PIK3R6: variants seen among roughly 807,000 people sequenced by gnomAD.
PIK3R6 encodes the protein phosphoinositide-3-kinase regulatory subunit 6.
In PIK3R6, 91 loss-of-function variants were observed where a neutral mutation model predicts 84.9. The observed-to-expected ratio is 1.07, with a 90% CI of 0.90 to 1.28. PIK3R6 has a LOEUF of 1.28. Ranked by LOEUF, PIK3R6 falls within the 50% of genes most tolerant of loss-of-function variation. The probability of loss-of-function intolerance (pLI) is 0.00; values close to 1 mark genes in which losing one functional copy is unlikely to be tolerated. For synonymous variants in PIK3R6, 416 were observed against 411.4 expected, an observed-to-expected ratio of 1.01 and a Z score of -0.13; for missense variants, 996 against 985.1, an observed-to-expected ratio of 1.01 and a Z score of -0.15.
At position 8,828,424 on chromosome 17, in the gene PIK3R6, A is replaced by G. The variant is rs73973230; in HGVS notation, c.1313+143T>C. On this transcript the variant is annotated intron_variant, in intron 11 of 19. Coordinates refer to ENST00000619866, the MANE Select transcript of PIK3R6 (RefSeq NM_001010855.4). ...GCGGTGCTCTGTGACGGCTGCGGGC[A>G]CTGTGCGGCATCCTCCTCCGTCCCA... 33,038 of 1,089,034 alleles carry G rather than the reference A, an allele frequency of 0.03. 2,869 individuals carry two copies. In the East Asian group the frequency reaches 0.31, roughly 10 times the overall value. The allele number at this position is 1,089,034 out of a possible 1,614,324, so 67.5% of individuals were successfully genotyped here.
intron 2 of PIK3R6, among the ~76,000 whole-genome samples, chr17:8,843,710 G>A (rs1210659192): frequency 6.6e-6 from 1 of 152,014 alleles, no homozygotes; most frequent in African/African-American, 2.4e-5. Context: ...TGGGTTTCTG[G>A]CATCTCTCGA....
intron 18 of PIK3R6, among the ~76,000 whole-genome samples, chr17:8,812,506 A>G (rs2087388947): frequency 6.6e-6 from 1 of 152,222 alleles, no homozygotes; most frequent in South Asian, 2.1e-4. Flanking sequence ...GCTAGACCAC[A>G]AGGTGAGTCT....
intron 18 of PIK3R6, 42 bp downstream of exon 18, chr17:8,819,041 C>A: frequency 2.1e-6 from 3 of 1,442,090 alleles, no homozygotes; most frequent in South Asian, 2.6e-5. Flanking sequence ...CTACTGCTGT[C>A]CCAGCTGGCT....
chr17:8,819,699 C>T (rs1384991009), intron 17 of PIK3R6, among the ~76,000 whole-genome samples: 1 of 143,158 alleles, frequency 7.0e-6, no homozygotes, highest in African/African-American at 2.6e-5. Flanking sequence ...TACACACACA[C>T]ACACACACAT....
chr17:8,840,821 T>C (rs1018339152), intron 2 of PIK3R6, among the ~76,000 whole-genome samples: 3 of 151,674 alleles, frequency 2.0e-5, no homozygotes, highest in Non-Finnish European at 4.4e-5. Flanking sequence ...GGCGCAATCT[T>C]GGCTCACTGC....
At chr17:8,814,269 G>A (rs1028079862) in intron 18 of PIK3R6, among the ~76,000 whole-genome samples, 116 of 133,696 alleles carry the variant, frequency 8.7e-4, no homozygotes, top group African/African-American at 3.1e-3. Context: ...GCCCAGGCTG[G>A]TGTGCAATGG....
intron 1 of PIK3R6, among the ~76,000 whole-genome samples, chr17:8,863,108 A>C (rs1331259558): frequency 6.6e-6 from 1 of 152,218 alleles, no homozygotes; most frequent in Non-Finnish European, 1.5e-5. Context: ...AAGTGCTATA[A>C]GAATAAAGTT....
intron 4 of PIK3R6, 80 bp downstream of exon 4, chr17:8,838,484 C>T: frequency 7.7e-7 from 1 of 1,305,138 alleles, no homozygotes; most frequent in Non-Finnish European, 1.1e-6. Flanking sequence ...AGATATAGCG[C>T]TGCCAGGACT....
rs1002120849 is a variant in PIK3R6, at chr17:8,835,454, A to C, written c.464T>G (p.Val155Gly). Residue 155 changes from valine to glycine, a missense_variant and splice_region_variant, in exon 8 of 20, where the codon GTG becomes GGG. By Grantham distance (109) the Val-to-Gly change is moderately radical. Coordinates refer to ENST00000619866, the MANE Select transcript of PIK3R6 (RefSeq NM_001010855.4). ...CAGCTCAGGATCCACGAAGAGGAAC[A>C]CTCTGAGGGCAGAAGCAGAGGGGAG... ...TNELYPYQER[V>G]FLFVDPELVS... The C allele has an allele frequency of 5.3e-5, 83 of 1,557,272 alleles. No individual in the cohort carries two copies. Among genetic ancestry groups the C allele is most frequent in the Non-Finnish European group, 6.7e-5 (76 of 1,141,580 alleles).
chr17:8,830,330 C>G (rs1009390003), intron 9 of PIK3R6, among the ~76,000 whole-genome samples: 3 of 152,204 alleles, frequency 2.0e-5, no homozygotes, highest in African/African-American at 7.2e-5. Flanking sequence ...AAAGGACAGC[C>G]CTTCTTCCTG....
intron 17 of PIK3R6, among the ~76,000 whole-genome samples, chr17:8,820,070 C>T (rs980468269): frequency 1.3e-5 from 2 of 150,884 alleles, no homozygotes; most frequent in African/African-American, 4.9e-5. Context: ...CCTCAGCCTC[C>T]CAAGTAGCTG....
Position 8,815,557 on chromosome 17 carries a change from T to C in PIK3R6, c.1995+3526A>G, listed in dbSNP as rs556693088. ...TACCAGGCAACAAAGAAAATGTCAA[T>C]ACATTCCAAAGAAGTTGAAATTGTG... is the stretch of plus-strand genomic sequence containing the variant. On this transcript the variant is annotated intron_variant, in intron 18 of 19. Transcript: ENST00000619866. Among the ~76,000 whole-genome samples, 203 of 151,362 alleles carry C rather than the reference T, an allele frequency of 1.3e-3. 1 individual carries two copies. Among genetic ancestry groups the C allele is most frequent in the African/African-American group, 4.8e-3 (196 of 41,182 alleles).
intron 2 of PIK3R6, among the ~76,000 whole-genome samples, chr17:8,846,148 G>A (rs543876618): frequency 1.3e-5 from 2 of 152,182 alleles, no homozygotes; most frequent in East Asian, 3.9e-4. Flanking sequence ...TATGGGGAAG[G>A]GTAGTGGTTC....
At position 8,839,043 on chromosome 17, in the gene PIK3R6, G is replaced by T. The variant is rs2151275571; in HGVS notation, c.98-388C>A. On this transcript the variant is annotated intron_variant, in intron 3 of 19. Transcript: ENST00000619866. This position sits in a 1 kb window ranked among gnomAD's most constrained non-coding sequence, Gnocchi z 4.2. ...TAGGTTTGGAAGTGGAGCTAGGGAA[G>T]GTGGTTAACAAAGAGGGTGGCAGGC... Among the ~76,000 whole-genome samples the T allele has an allele frequency of 6.6e-6, 1 of 152,302 alleles. No homozygotes were observed. Among genetic ancestry groups the T allele is most frequent in the South Asian group, 2.1e-4 (1 of 4,830 alleles).
At chr17:8,827,775 A>AGAGAGAGAGG (rs1205248027) in intron 12 of PIK3R6, among the ~76,000 whole-genome samples, 4 of 112,892 alleles carry the variant, frequency 3.5e-5, no homozygotes, top group Non-Finnish European at 6.7e-5. Context: ...AGAGAGAGAG[A>AGAGAGAGAGG]GAGAGAGAGA....
chr17:8,827,490 C>G (rs2087962663), intron 12 of PIK3R6, among the ~76,000 whole-genome samples, 196 bp from the exon 13 acceptor site: 1 of 152,168 alleles, frequency 6.6e-6, no homozygotes, highest in East Asian at 1.9e-4. Flanking sequence ...GAGGTTCACT[C>G]AGCAGGGACA....
chr17:8,853,943 C>G (rs1283797495), intron 1 of PIK3R6, among the ~76,000 whole-genome samples: 1 of 142,122 alleles, frequency 7.0e-6, no homozygotes, highest in Non-Finnish European at 1.5e-5. Context: ...AGCCTGGTGA[C>G]AGAGAGAGAC....
rs561584309 is a variant in PIK3R6, at chr17:8,811,301, A to G, written c.1996-7148T>C. On this transcript the variant is annotated intron_variant, in intron 18 of 19. Coordinates refer to ENST00000619866, the MANE Select transcript of PIK3R6 (RefSeq NM_001010855.4). ...CGGGTACCCTGGGCCCAGCCCATGA[A>G]ACCATTTTTTCCTCCTAGGTCTCAG... Among the ~76,000 whole-genome samples the G allele has an allele frequency of 3.0e-4, 44 of 148,292 alleles. 3 individuals carry two copies. Among genetic ancestry groups the G allele is most frequent in the Non-Finnish European group, 4.1e-4 (28 of 67,918 alleles).
chr17:8,803,560 G>T lies in PIK3R6; in HGVS notation c.2109-131C>A. 1 of 873,524 alleles carries T rather than the reference G, an allele frequency of 1.1e-6. No homozygotes were observed. The allele number at this position is 873,524 out of a possible 1,614,324, so 54.1% of individuals were successfully genotyped here. On this transcript the variant is annotated intron_variant, in intron 19 of 19. Coordinates refer to ENST00000619866, the MANE Select transcript of PIK3R6 (RefSeq NM_001010855.4). This position sits in a 1 kb window ranked among gnomAD's most constrained non-coding sequence, Gnocchi z 5.0. ...AGGGCATAGAGGAGGCGGCTACACA[G>T]AAGAAAGAGGAAGAGTCAGGACAAG...
Sources: allele counts gnomAD v4.1 joint callset (sites outside exome capture counted in the v4.1 genomes callset), GRCh38; gene constraint gnomAD v4.1.1; non-coding constraint Gnocchi (gnomAD v3.1); transcripts MANE v1.5; gene names NCBI Gene and HGNC (gene_info 2026-07-23, HGNC 2026-07-21).